ARHGAP26: variants seen among roughly 807,000 people sequenced by gnomAD.
The protein encoded by ARHGAP26 is rho GTPase-activating protein 26.
ARHGAP26 carries 38 observed loss-of-function variants against 104.8 expected under a neutral mutation model. The observed-to-expected ratio is 0.36, with a 90% CI of 0.28 to 0.48. The LOEUF is 0.48. ARHGAP26 is among the 20% of genes least tolerant of loss of function. ARHGAP26 has a pLI of 0.99. For missense variants in ARHGAP26, 704 were observed against 947.9 expected (o/e 0.74, Z 3.38); for synonymous variants, 341 against 340.0 (o/e 1.00, Z -0.03).
chr5:142,879,629 C>T (rs1012494924), intron 4 of ARHGAP26, among the ~76,000 whole-genome samples, 184 bp downstream of exon 4: 1 of 152,196 alleles, frequency 6.6e-6, no homozygotes. Flanking sequence ...GACTGAAGTA[C>T]GACCATCTGA....
chr5:143,196,646 G>A (rs1806879190), intron 20 of ARHGAP26, among the ~76,000 whole-genome samples: 1 of 152,180 alleles, frequency 6.6e-6, no homozygotes, highest in South Asian at 2.1e-4. Flanking sequence ...CTTGTGCTTA[G>A]GAACATTTGA....
At chr5:142,821,551 G>A (rs899833578) in intron 1 of ARHGAP26, among the ~76,000 whole-genome samples, 12 of 152,000 alleles carry the variant, frequency 7.9e-5, no homozygotes, top group Non-Finnish European at 1.5e-4. Flanking sequence ...CCATGGCTGG[G>A]AATTATCATT....
chr5:143,131,879 C>G (rs905739648), intron 18 of ARHGAP26, among the ~76,000 whole-genome samples: 2 of 152,042 alleles, frequency 1.3e-5, no homozygotes, highest in Non-Finnish European at 2.9e-5. Context: ...CCAAAATAAA[C>G]AGTAGGGAGA....
At chr5:143,055,942 C>T (rs1186700933) in intron 15 of ARHGAP26, 86 bp from the exon 16 acceptor site, 3 of 878,616 alleles carry the variant, frequency 3.4e-6, no homozygotes, top group Non-Finnish European at 5.4e-6. Context: ...AAATGTATTA[C>T]AGTTTGTCAG....
At chr5:142,951,112 T>G (rs965195140) in intron 11 of ARHGAP26, among the ~76,000 whole-genome samples, 4 of 150,942 alleles carry the variant, frequency 2.7e-5, no homozygotes, top group African/African-American at 9.8e-5. Flanking sequence ...CAGGCTGGAG[T>G]GCAGTGGTGC....
At chr5:142,788,958 C>G (rs1335677113) in intron 1 of ARHGAP26, among the ~76,000 whole-genome samples, 3 of 152,222 alleles carry the variant, frequency 2.0e-5, no homozygotes, top group Non-Finnish European at 4.4e-5. Context: ...CATTTATAGA[C>G]TAGCAACGGA....
chr5:142,933,529 G>A (rs1353492189), intron 11 of ARHGAP26, among the ~76,000 whole-genome samples: 1 of 152,156 alleles, frequency 6.6e-6, no homozygotes, highest in Non-Finnish European at 1.5e-5. Flanking sequence ...CTCTCTTAGA[G>A]CCGAGAAGGG....
Position 142,932,062 on chromosome 5 carries a change from C to T in ARHGAP26, c.1044C>T (p.Thr348=), listed in dbSNP as rs1211451977. 2 of 1,613,978 alleles carry T rather than the reference C, an allele frequency of 1.2e-6. No individual in the cohort carries two copies. Among genetic ancestry groups the T allele is most frequent in the African/African-American group, 1.3e-5 (1 of 74,932 alleles). ...VEAVDRPGVI[T]MQALSEEDRR... ...TTCTCTGCAGGCCAGGGGTTATCAC[C>T]ATGCAAGCTTTGTCGGAAGAGGACC... The change falls in exon 11 of 23, where the codon ACC becomes ACT. Residue 348 remains threonine (T), a synonymous_variant. Transcript: ENST00000645722.
chr5:143,208,423 C>T (rs151010910), intron 21 of ARHGAP26, among the ~76,000 whole-genome samples: 40 of 152,156 alleles, frequency 2.6e-4, no homozygotes, highest in East Asian at 1.9e-3. Flanking sequence ...TTTATGAAGC[C>T]GAGTTTCACT....
At chr5:142,775,110 T>C (rs1020020661) in intron 1 of ARHGAP26, among the ~76,000 whole-genome samples, 2 of 152,072 alleles carry the variant, frequency 1.3e-5, no homozygotes, top group Non-Finnish European at 2.9e-5. Context: ...AGTATAATTG[T>C]TAGATTATAT....
At chr5:142,970,561 A>C (rs1384799360) in intron 11 of ARHGAP26, among the ~76,000 whole-genome samples, 1 of 152,168 alleles carries the variant, frequency 6.6e-6, no homozygotes, top group Non-Finnish European at 1.5e-5. Flanking sequence ...TATTGTTCCA[A>C]TAGAAGTCTT....
chr5:143,014,267 C>A, intron 12 of ARHGAP26, 151 bp downstream of exon 12: 1 of 789,932 alleles, frequency 1.3e-6, no homozygotes, highest in Non-Finnish European at 2.2e-6. Flanking sequence ...TCCACCCCAA[C>A]TTTCCGCCAG....
chr5:143,109,399 T>C (rs981759000), intron 17 of ARHGAP26, among the ~76,000 whole-genome samples: 2 of 152,198 alleles, frequency 1.3e-5, no homozygotes, highest in African/African-American at 2.4e-5. Context: ...AATTCTCTTA[T>C]TGGGTTTTAT....
chr5:142,938,344 C>A (rs1765751359), intron 11 of ARHGAP26, among the ~76,000 whole-genome samples: 1 of 152,130 alleles, frequency 6.6e-6, no homozygotes, highest in African/African-American at 2.4e-5. Context: ...GGTTGACAAA[C>A]AATAGGGTCA....
intron 11 of ARHGAP26, among the ~76,000 whole-genome samples, chr5:143,009,078 C>G (rs6864372): frequency 9.2e-5 from 14 of 152,138 alleles, no homozygotes; most frequent in African/African-American, 2.7e-4. Flanking sequence ...ACTCTCCCCC[C>G]CTGGTGTTTA....
chr5:142,955,241 A>AG (rs1168766023), intron 11 of ARHGAP26, among the ~76,000 whole-genome samples: 1 of 152,114 alleles, frequency 6.6e-6, no homozygotes, highest in Non-Finnish European at 1.5e-5. Flanking sequence ...TTGAGGCTGC[A>AG]GGGGGCCATG....
At chr5:143,136,423 C>T (rs779791762) in intron 19 of ARHGAP26, among the ~76,000 whole-genome samples, 3 of 152,162 alleles carry the variant, frequency 2.0e-5, no homozygotes, top group Non-Finnish European at 4.4e-5. Flanking sequence ...ATGACCGGAG[C>T]ATACAGATAT....
chr5:142,971,906 G>C (rs1348027221), intron 11 of ARHGAP26, among the ~76,000 whole-genome samples: 1 of 152,192 alleles, frequency 6.6e-6, no homozygotes, highest in Non-Finnish European at 1.5e-5. Flanking sequence ...TGTGGGCCAG[G>C]CACGGTGGCT....
intron 12 of ARHGAP26, chr5:143,014,440 A>G (rs1256360538): frequency 9.3e-6 from 3 of 322,036 alleles, no homozygotes; most frequent in Non-Finnish European, 1.7e-5. Context: ...AAAGTTACTT[A>G]ATACAACAAT....
Sources: gnomAD v4.1 joint callset for allele counts (sites outside exome capture counted in the v4.1 genomes callset) on GRCh38, gnomAD v4.1.1 for gene constraint, MANE v1.5 for transcripts, NCBI Gene and HGNC (gene_info 2026-07-23, HGNC 2026-07-21) for gene names.